Variants in PRKG1 observed in about 807,000 individuals in gnomAD.
PRKG1 encodes protein kinase cGMP-dependent 1.
Under a neutral mutation model 88.1 loss-of-function variants are expected in PRKG1, and 35 were observed. The observed-to-expected ratio is 0.40, with a 90% CI of 0.30 to 0.53. PRKG1 has a LOEUF of 0.53. Among genes scored for constraint, PRKG1 ranks in the 20% least tolerant of loss-of-function variants. The pLI is 0.59. For missense variants in PRKG1, 540 were observed against 839.8 expected (o/e 0.64, Z 4.41); for synonymous variants, 303 against 292.5 (o/e 1.04, Z -0.37).
At chr10:52,018,576 A>G (rs1845101879) in intron 5 of PRKG1, among the ~76,000 whole-genome samples, 1 of 152,206 alleles carries the variant, frequency 6.6e-6, no homozygotes, top group Non-Finnish European at 1.5e-5. Context: ...AACAAACCCC[A>G]AAACAACACA....
At chr10:51,488,615 T>A (rs1217677878) in intron 3 of PRKG1, among the ~76,000 whole-genome samples, 3 of 152,180 alleles carry the variant, frequency 2.0e-5, no homozygotes, top group African/African-American at 4.8e-5. Context: ...CATGCCTAGA[T>A]GTGTTTAACT....
chr10:52,024,029 G>T (rs141913544), intron 5 of PRKG1, among the ~76,000 whole-genome samples: 4,810 of 152,112 alleles, frequency 0.032, 244 homozygotes, highest in African/African-American at 0.1. Context: ...TTTCTTCTAG[G>T]GTTTTTATGG....
intron 2 of PRKG1, among the ~76,000 whole-genome samples, chr10:51,451,339 GTTGT>G (rs1218493438): frequency 1.3e-5 from 2 of 151,504 alleles, no homozygotes; most frequent in East Asian, 1.9e-4. Flanking sequence ...ATTTGTTACT[GTTGT>G]TTGTTACCAC....
intron 5 of PRKG1, among the ~76,000 whole-genome samples, chr10:51,944,555 A>T (rs572480292): frequency 6.6e-6 from 1 of 151,916 alleles, no homozygotes; most frequent in Non-Finnish European, 1.5e-5. Context: ...TTAGGGTGTC[A>T]ATTTTGGATC....
At chr10:51,593,381 C>T (rs577237406) in intron 3 of PRKG1, among the ~76,000 whole-genome samples, 33 of 152,106 alleles carry the variant, frequency 2.2e-4, no homozygotes, top group African/African-American at 3.4e-4. Context: ...ATTAAATATT[C>T]GCTTTCTTAT....
intron 3 of PRKG1, among the ~76,000 whole-genome samples, chr10:51,794,276 C>G (rs1022592151): frequency 6.6e-6 from 1 of 151,824 alleles, no homozygotes; most frequent in Non-Finnish European, 1.5e-5. Flanking sequence ...ACTTCAACAC[C>G]CTACATGTAG....
chr10:51,772,498 A>G (rs1429543703), intron 3 of PRKG1, among the ~76,000 whole-genome samples: 5 of 152,116 alleles, frequency 3.3e-5, no homozygotes, highest in Non-Finnish European at 7.4e-5. Context: ...TGATTTTGTA[A>G]ATATATTTAT....
intron 3 of PRKG1, among the ~76,000 whole-genome samples, chr10:51,644,275 TC>T (rs1184416871): frequency 6.6e-6 from 1 of 152,212 alleles, no homozygotes; most frequent in Non-Finnish European, 1.5e-5. Flanking sequence ...GTGTTTTTGT[TC>T]TTGTTTTTTA....
chr10:51,316,893 A>AAAT (rs1318889876), intron 2 of PRKG1, among the ~76,000 whole-genome samples: 1 of 152,132 alleles, frequency 6.6e-6, no homozygotes, highest in African/African-American at 2.4e-5. Context: ...GAGATATTGT[A>AAAT]CAAAAATGAG....
intron 3 of PRKG1, among the ~76,000 whole-genome samples, chr10:51,728,353 C>T (rs1842185364): frequency 6.6e-6 from 1 of 151,254 alleles, no homozygotes; most frequent in African/African-American, 2.4e-5. Context: ...ATGGAAAATG[C>T]TTCACATTTT....
At chr10:52,168,348 G>T (rs1391236286) in intron 9 of PRKG1, among the ~76,000 whole-genome samples, 1 of 152,108 alleles carries the variant, frequency 6.6e-6, no homozygotes. Flanking sequence ...CGGAACAAAT[G>T]GAAAGCATTC....
intron 4 of PRKG1, among the ~76,000 whole-genome samples, chr10:51,854,402 T>C (rs907922772): frequency 2.0e-5 from 3 of 152,120 alleles, no homozygotes; most frequent in Non-Finnish European, 2.9e-5. Context: ...CACCCAGTAG[T>C]AAAGAAGGCA....
At chr10:51,923,094 T>A (rs2879628) in intron 5 of PRKG1, among the ~76,000 whole-genome samples, 92,362 of 151,914 alleles carry the variant, frequency 0.61, 29,598 homozygotes, top group African/African-American at 0.83. Flanking sequence ...GTTTATGCAC[T>A]TAAAGGATTG....
At chr10:51,834,917 A>C (rs1311218034) in intron 4 of PRKG1, among the ~76,000 whole-genome samples, 1 of 152,048 alleles carries the variant, frequency 6.6e-6, no homozygotes, top group Non-Finnish European at 1.5e-5. Flanking sequence ...AAATTAATTG[A>C]TTTATCAATT....
intron 2 of PRKG1, among the ~76,000 whole-genome samples, chr10:51,195,863 C>T (rs1326079494): frequency 6.6e-6 from 1 of 152,052 alleles, no homozygotes; most frequent in Admixed American, 6.6e-5. Context: ...TATGGCATGC[C>T]AGACCCTGTG....
intron 3 of PRKG1, among the ~76,000 whole-genome samples, chr10:51,525,961 G>A (rs1841874257): frequency 6.6e-6 from 1 of 151,960 alleles, no homozygotes; most frequent in Non-Finnish European, 1.5e-5. Flanking sequence ...GAGTAGCTAG[G>A]ATTACAGCTA....
At chr10:51,298,271 T>G (rs930134141) in intron 2 of PRKG1, among the ~76,000 whole-genome samples, 1 of 152,174 alleles carries the variant, frequency 6.6e-6, no homozygotes, top group African/African-American at 2.4e-5. Flanking sequence ...TTGCCACTAC[T>G]TCAAAAAATG....
chr10:51,058,022 C>A (rs1843650607), intron 1 of PRKG1, among the ~76,000 whole-genome samples: 1 of 152,096 alleles, frequency 6.6e-6, no homozygotes, highest in South Asian at 2.1e-4. Context: ...CTAAGGATTG[C>A]TGTGAATTCT....
At chr10:51,804,833 C>T (rs996814068) in intron 4 of PRKG1, 143 bp downstream of exon 4, 25 of 587,826 alleles carry the variant, frequency 4.3e-5, no homozygotes, top group Admixed American at 1.1e-4. Context: ...TGTAAGACTT[C>T]GAACATGCTT....
Sources: gnomAD v4.1 joint callset for allele counts (sites outside exome capture counted in the v4.1 genomes callset) on GRCh38, gnomAD v4.1.1 for gene constraint, MANE v1.5 for transcripts, NCBI Gene and HGNC (gene_info 2026-07-23, HGNC 2026-07-21) for gene names.